The following TNXB variants were observed in gnomAD, a reference collection of about 807,000 sequenced individuals.
TNXB encodes tenascin-X.
Under a neutral mutation model 340.5 loss-of-function variants are expected in TNXB, and 183 were observed. The ratio of observed to expected loss-of-function variants is 0.54; its 90% confidence interval spans 0.48 to 0.61. The LOEUF (loss-of-function observed/expected upper bound fraction) is 0.61, where lower values mean the gene tolerates loss of function less well. Among genes scored for constraint, TNXB ranks in the 20% least tolerant of loss-of-function variants. TNXB has a pLI of 0.00. For synonymous variants in TNXB, 2,121 were observed against 2,314.5 expected (o/e 0.92, Z 2.40); for missense variants, 4,613 against 5,446.4 (o/e 0.85, Z 4.82).
chr6:32,065,953 T>C (rs896578596), intron 18 of TNXB, among the ~76,000 whole-genome samples: 1 of 152,158 alleles, frequency 6.6e-6, no homozygotes, highest in Non-Finnish European at 1.5e-5. Flanking sequence ...CCTGGCCATA[T>C]TGTGGATTTT....
chr6:32,061,432 C>T lies in TNXB; in HGVS notation c.7457G>A (p.Arg2486Gln), dbSNP rs201546972. 45 of 1,612,700 alleles carry T rather than the reference C, an allele frequency of 2.8e-5. No individual in the cohort carries two copies. The highest frequency in any genetic ancestry group is 1.6e-4 in the Middle Eastern group (1 of 6,080). The change falls in exon 21 of 44, where the codon CGG becomes CAG. Residue 2486 changes from arginine to glutamine, a missense_variant. This residue lies in a region of TNXB where 4,327 missense variants were observed against 4,859.4 expected (regional missense o/e 0.89). Transcript: ENST00000644971. The surrounding 1 kb of genome is among the most constrained non-coding windows in gnomAD (Gnocchi z 4.4). The part of the protein sequence containing the change: ...KMHLYGLHEG[R>Q]RVGPVSTVGV... Reference sequence around the variant, plus strand: ...CACGGTGGACACCGGGCCCACGCGCCGCCCCTCGTGGAGGCCATACAGGTG... The same window carrying T: ...CACGGTGGACACCGGGCCCACGCGCTGCCCCTCGTGGAGGCCATACAGGTG...
At position 32,097,488 on chromosome 6, in the gene TNXB, C is replaced by G; in HGVS notation, c.404-39G>C. 6.4e-7 allele frequency: 1 copy of G among 1,562,108 alleles called. No homozygotes were observed. On this transcript the variant is annotated intron_variant, in intron 2 of 43. Coordinates refer to ENST00000644971, the MANE Select transcript of TNXB (RefSeq NM_001365276.2). The surrounding 1 kb of genome is among the most constrained non-coding windows in gnomAD (Gnocchi z 5.9). Reference sequence around the variant, plus strand: ...GGAGAGGCAAGTCTCAGTCTCTCTCCTGGGAGAGAGGCTGAGCCTATGTAG... The same window carrying G: ...GGAGAGGCAAGTCTCAGTCTCTCTCGTGGGAGAGAGGCTGAGCCTATGTAG...
chr6:32,054,486 G>A (rs896319191), intron 24 of TNXB, among the ~76,000 whole-genome samples: 1 of 152,212 alleles, frequency 6.6e-6, no homozygotes, highest in African/African-American at 2.4e-5. Flanking sequence ...CACACACCAT[G>A]CTCTTTCTAG....
chr6:32,053,386 A>C lies in TNXB; in HGVS notation c.8791+2T>G. ...ACTCTGGGGCTCCCATCGTACACTC[A>C]CCTGTCACCCCAATGACAGAGATGG... On this transcript the variant is annotated splice_donor_variant, in intron 25 of 43. Coordinates refer to ENST00000644971, the MANE Select transcript of TNXB (RefSeq NM_001365276.2). LOFTEE classifies it high-confidence loss of function. The C allele has an allele frequency of 6.2e-7, 1 of 1,611,856 alleles. No homozygotes were observed. Among genetic ancestry groups the C allele is most frequent in the Non-Finnish European group, 8.5e-7 (1 of 1,179,526 alleles).
Position 32,061,293 on chromosome 6 carries a change from C to T in TNXB, c.7492+104G>A. 4 of 1,498,226 alleles carry T rather than the reference C, an allele frequency of 2.7e-6. No homozygotes were observed. The highest frequency in any genetic ancestry group is 3.6e-6 in the Non-Finnish European group (4 of 1,114,718). 92.8% of individuals were successfully genotyped at this position (1,498,226 alleles called of 1,614,324 possible). A position where few individuals can be genotyped will look rare whatever the true frequency, so the allele number is the denominator to read the frequency against. ...CAGGGCACAGAGGGAGGGCAGGACACAGGAGACAAGTCTGGACCCACAGGG... is the reference window on the plus strand; with the variant it reads ...CAGGGCACAGAGGGAGGGCAGGACATAGGAGACAAGTCTGGACCCACAGGG... On this transcript the variant is annotated intron_variant, in intron 21 of 43. Coordinates refer to ENST00000644971, the MANE Select transcript of TNXB (RefSeq NM_001365276.2). The surrounding 1 kb of genome is among the most constrained non-coding windows in gnomAD (Gnocchi z 4.4).
At chr6:32,088,458 C>T (rs1469816071) in intron 6 of TNXB, among the ~76,000 whole-genome samples, 1 of 152,182 alleles carries the variant, frequency 6.6e-6, no homozygotes, top group African/African-American at 2.4e-5. Flanking sequence ...GATCTATCAG[C>T]ACAAGGCCTG....
At position 32,070,275 on chromosome 6, in the gene TNXB, G is replaced by A. The variant is rs763565148; in HGVS notation, c.5130C>T (p.Asp1710=). Residue 1710 remains aspartate, a synonymous_variant, in exon 14 of 44, where the codon GAC becomes GAT. Coordinates refer to ENST00000644971, the MANE Select transcript of TNXB (RefSeq NM_001365276.2). This position sits in a 1 kb window ranked among gnomAD's most constrained non-coding sequence, Gnocchi z 6.0. ...CGGGCACCACCTGGGGCCCGTCTTT[G>A]TCCTTGAACTGGACCACAAAAGAGT... is the stretch of plus-strand genomic sequence containing the variant. ...QFDSFVVQFK[D]KDGPQVVPVE... 2 of 1,613,078 alleles carry A rather than the reference G, an allele frequency of 1.2e-6. No homozygotes were observed. Among genetic ancestry groups the A allele is most frequent in the Non-Finnish European group, 1.7e-6 (2 of 1,179,590 alleles).
Position 32,081,640 on chromosome 6 carries a change from T to A in TNXB, c.3770A>T (p.Glu1257Val), listed in dbSNP as rs772034728. ...CCCCAGGAGGGGCTGCTCCAGGAACTCAGGGCGGGGGGGCTCCTCTTTCCT... is the reference window on the plus strand; with the variant it reads ...CCCCAGGAGGGGCTGCTCCAGGAACACAGGGCGGGGGGGCTCCTCTTTCCT... The part of the protein sequence containing the change: ...PERKEEPPRP[E>V]FLEQPLLGEL... The change falls in exon 10 of 44, where the codon GAG becomes GTG. Residue 1257 changes from glutamate (E) to valine (V), a missense_variant. Physicochemically the swap from Glu to Val is moderately radical, Grantham distance 121. Around this residue, in one of 7 missense-constraint regions of TNXB, gnomAD observed 4,327 missense variants for 4,859.4 expected, o/e 0.89. Transcript: ENST00000644971. The surrounding 1 kb of genome is among the most constrained non-coding windows in gnomAD (Gnocchi z 5.1). 12 of 1,595,572 alleles carry A rather than the reference T, an allele frequency of 7.5e-6. No individual in the cohort carries two copies. In the African/African-American group the frequency reaches 1.6e-4, roughly 21 times the overall value.
In TNXB at chr6:32,097,643, C is replaced by T; in HGVS notation, c.403+153G>A. The T allele has an allele frequency of 8.9e-7, 1 of 1,119,080 alleles. No individual in the cohort carries two copies. The highest frequency in any genetic ancestry group is 2.6e-5 in the East Asian group (1 of 38,578). 69.3% of individuals were successfully genotyped at this position (1,119,080 alleles called of 1,614,324 possible). A position where few individuals can be genotyped will look rare whatever the true frequency, so the allele number is the denominator to read the frequency against. On this transcript the variant is annotated intron_variant, in intron 2 of 43. Transcript: ENST00000644971. The surrounding 1 kb of genome is among the most constrained non-coding windows in gnomAD (Gnocchi z 5.9). ...CATATGCTTTGGTTGACATGTAGCC[C>T]AGCTCTGCTCTCCAAGTTGTGTTCT...
In TNXB at chr6:32,042,357, G is replaced by A. The variant is rs1243373711; in HGVS notation, c.12216C>T (p.Phe4072=). ...CTGTCTGTCCATCCATGCGGCGCTG[G>A]AACACCTGGGAAGCAAGTGGGGGCA... The part of the protein sequence containing the change: ...METDGGGWLV[F]QRRMDGQTDF... Residue 4072 remains phenylalanine (F), a synonymous_variant, in exon 41 of 44, where the codon TTC becomes TTT. Coordinates refer to ENST00000644971, the MANE Select transcript of TNXB (RefSeq NM_001365276.2). 1 of 1,575,626 alleles carries A rather than the reference G, an allele frequency of 6.3e-7. No homozygotes were observed. Among genetic ancestry groups the A allele is most frequent in the East Asian group, 2.3e-5 (1 of 44,130 alleles).
rs748991428 is a variant in TNXB at position 32,072,248 on chromosome 6, G to A, written c.4732C>T (p.Pro1578Ser). The A allele has an allele frequency of 1.9e-6, 3 of 1,608,928 alleles. No homozygotes were observed. The highest frequency in any genetic ancestry group is 1.1e-5 in the South Asian group (1 of 90,154). The part of the protein sequence containing the change: ...ATEASKPPLE[P>S]RLGELTVTDI... Reference sequence around the variant, plus strand: ...GTCACTGTCAGCTCCCCTAGGCGTGGCTCCAGGGGAGGCTTGGAGGCCTCT... The same window carrying A: ...GTCACTGTCAGCTCCCCTAGGCGTGACTCCAGGGGAGGCTTGGAGGCCTCT... The change falls in exon 13 of 44, where the codon CCA (proline) becomes TCA (serine). Residue 1578 changes from proline (P) to serine (S), a missense_variant. Around this residue, in one of 7 missense-constraint regions of TNXB, gnomAD observed 4,327 missense variants for 4,859.4 expected, o/e 0.89. Transcript: ENST00000644971. This position sits in a 1 kb window ranked among gnomAD's most constrained non-coding sequence, Gnocchi z 4.4.
rs1281855251 is a variant in TNXB at position 32,067,457 on chromosome 6, G to T, written c.6544+204C>A. Among the ~76,000 whole-genome samples the T allele has an allele frequency of 6.6e-6, 1 of 152,224 alleles. No homozygotes were observed. Among genetic ancestry groups the T allele is most frequent in the Non-Finnish European group, 1.5e-5 (1 of 68,038 alleles). On this transcript the variant is annotated intron_variant, in intron 18 of 43. Coordinates refer to ENST00000644971, the MANE Select transcript of TNXB (RefSeq NM_001365276.2). This position sits in a 1 kb window ranked among gnomAD's most constrained non-coding sequence, Gnocchi z 4.2. ...GTGAATCACCTCCCAAGAGGCCTCA[G>T]TCCCTGGGGGCCTTTCCCATATGGC...
In TNXB at chr6:32,079,459, G is replaced by C; in HGVS notation, c.4043-94C>G. The C allele has an allele frequency of 2.9e-6, 3 of 1,049,298 alleles. No homozygotes were observed. Among genetic ancestry groups the C allele is most frequent in the Non-Finnish European group, 4.1e-6 (3 of 731,308 alleles). 65.0% of individuals were successfully genotyped at this position (1,049,298 alleles called of 1,614,324 possible). A position where few individuals can be genotyped will look rare whatever the true frequency, so the allele number is the denominator to read the frequency against. On this transcript the variant is annotated intron_variant, in intron 10 of 43. Coordinates refer to ENST00000644971, the MANE Select transcript of TNXB (RefSeq NM_001365276.2). This position sits in a 1 kb window ranked among gnomAD's most constrained non-coding sequence, Gnocchi z 7.1. ...GAAATGCCCTTACGCTGTGGGCTCA[G>C]GGGCTCTGTAGCCTTTGTATTTGCC...
chr6:32,084,501 G>A lies in TNXB; in HGVS notation c.3357C>T (p.Ser1119=). ...ATTTGTACTTGCGGCCAGGATCCAG[G>A]GAGGTGATGACGGCCGAGCGCTGGG... The part of the protein sequence containing the change: ...EGPQRSAVIT[S]LDPGRKYKFV... Residue 1119 remains serine (S), a synonymous_variant, in exon 8 of 44, where the codon TCC becomes TCT. Coordinates refer to ENST00000644971, the MANE Select transcript of TNXB (RefSeq NM_001365276.2). This position sits in a 1 kb window ranked among gnomAD's most constrained non-coding sequence, Gnocchi z 5.5. 6.2e-7 allele frequency: 1 copy of A among 1,609,158 alleles called. No homozygotes were observed. The highest frequency in any genetic ancestry group is 8.5e-7 in the Non-Finnish European group (1 of 1,178,638).
chr6:32,089,608 G>A lies in TNXB; in HGVS notation c.2359-229C>T, dbSNP rs879307882. ...CACTTAATTCTCACAACAACCCTAC[G>A]AAACAGGTCCTATTAGTCCCATTTT... On this transcript the variant is annotated intron_variant, in intron 4 of 43. Transcript: ENST00000644971. The surrounding 1 kb of genome is among the most constrained non-coding windows in gnomAD (Gnocchi z 6.2). Among the ~76,000 whole-genome samples the A allele has an allele frequency of 5.3e-5, 8 of 152,156 alleles. No homozygotes were observed. Among genetic ancestry groups the A allele is most frequent in the Non-Finnish European group, 1.0e-4 (7 of 68,014 alleles).
rs1168667037 is a variant in TNXB, at chr6:32,069,723, A to T, written c.5417T>A (p.Phe1806Tyr). 13 of 1,612,470 alleles carry T rather than the reference A, an allele frequency of 8.1e-6. No individual in the cohort carries two copies. The Admixed American group carries it at 2.2e-4, about 27-fold the overall frequency. Residue 1806 changes from phenylalanine to tyrosine, a missense_variant, in exon 15 of 44, where the codon TTT (phenylalanine) becomes TAT (tyrosine). Around this residue, in one of 7 missense-constraint regions of TNXB, gnomAD observed 4,327 missense variants for 4,859.4 expected, o/e 0.89. Transcript: ENST00000644971. This position sits in a 1 kb window ranked among gnomAD's most constrained non-coding sequence, Gnocchi z 6.2. ...GTCCCTGTCTTTGTACTGGACCACA[A>T]AGGAGTCAAACTGGCCCTCAGGGAC... ...WTVPEGQFDS[F>Y]VVQYKDRDGQ...
In TNXB at chr6:32,083,288, G is replaced by A. The variant is rs1454221718; in HGVS notation, c.3446-962C>T. Among the ~76,000 whole-genome samples, 1 of 152,054 alleles carries A rather than the reference G, an allele frequency of 6.6e-6. No individual in the cohort carries two copies. Among genetic ancestry groups the A allele is most frequent in the Non-Finnish European group, 1.5e-5 (1 of 68,024 alleles). On this transcript the variant is annotated intron_variant, in intron 8 of 43. Transcript: ENST00000644971. This position sits in a 1 kb window ranked among gnomAD's most constrained non-coding sequence, Gnocchi z 4.6. Reference sequence around the variant, plus strand: ...TCTGCCTCCGCTGTGAGTGTAGGCTGTCGACAGGGTTCCAGTGGCCCTGTC... The same window carrying A: ...TCTGCCTCCGCTGTGAGTGTAGGCTATCGACAGGGTTCCAGTGGCCCTGTC...
rs757423974 is a variant in TNXB at position 32,055,907 on chromosome 6, A to C, written c.8411T>G (p.Leu2804Arg). 16 of 1,613,392 alleles carry C rather than the reference A, an allele frequency of 9.9e-6. No homozygotes were observed. The highest frequency in any genetic ancestry group is 3.3e-5 in the Admixed American group (2 of 59,996). Residue 2804 changes from leucine (L) to arginine (R), a missense_variant, in exon 24 of 44, where the codon CTG (leucine) becomes CGG (arginine). By Grantham distance (102) the Leu-to-Arg change is moderately radical (BLOSUM62 -2). Transcript: ENST00000644971. ...LEPGRKYKMH[L>R]YGLHEGRRVG... ...ACGCCGCCCCTCGTGGAGGCCGTAC[A>C]GGTGCATCTTGTATTTGCGCCCGGG...
Position 32,056,863 on chromosome 6 carries a change from G to A in TNXB, c.7866C>T (p.Thr2622=), listed in dbSNP as rs4711284. The part of the protein sequence containing the change: ...AETTQAVPTM[T]PEPPIKPRLG... ...GGCGAGGCTTGATGGGGGGCTCAGG[G>A]GTCATGGTAGGCACTGCTTGGGTGG... The change falls in exon 23 of 44, where the codon ACC becomes ACT. Residue 2622 remains threonine (T), a synonymous_variant. Transcript: ENST00000644971. The A allele has an allele frequency of 8.7e-4, 1,405 of 1,612,812 alleles. 19 individuals carry two copies. The Admixed American group carries it at 0.016, about 18-fold the overall frequency.
Sources: gnomAD v4.1 joint callset for allele counts (sites outside exome capture counted in the v4.1 genomes callset) on GRCh38, gnomAD v4.1.1 for gene constraint, gnomAD v4.1.1 regional missense constraint, Gnocchi (gnomAD v3.1) non-coding constraint, MANE v1.5 for transcripts, NCBI Gene and HGNC (gene_info 2026-07-23, HGNC 2026-07-21) for gene names.